The following EPB41 variants were observed in gnomAD, a reference collection of about 807,000 sequenced individuals.
The protein encoded by EPB41 is erythrocyte membrane protein band 4.1.
A neutral mutation model predicts 108.0 loss-of-function variants in EPB41; 65 were observed. The ratio of observed to expected loss-of-function variants is 0.60; its 90% CI spans 0.49 to 0.74. The LOEUF (loss-of-function observed/expected upper bound fraction) is 0.74, where lower values mean the gene tolerates loss of function less well. Ranked by LOEUF, EPB41 falls within the 30% of genes least tolerant of loss-of-function variation. The pLI, the probability that EPB41 is intolerant of heterozygous loss-of-function variation, is 0.00. For synonymous variants in EPB41, 336 were observed against 358.9 expected, an observed-to-expected ratio of 0.94 and a Z score of 0.72; for missense variants, 875 against 1,037.0, an observed-to-expected ratio of 0.84 and a Z score of 2.15.
rs527689475 is a variant in EPB41, at chr1:29,099,788, C to A, written c.2313+1853C>A. 5.9e-5 allele frequency among the ~76,000 whole-genome samples: 9 copies of A among 152,260 alleles called. No homozygotes were observed. The South Asian group carries it at 1.9e-3, about 32-fold the overall frequency. ...GCAACAAATATTTATTGAGTGTTCA[C>A]AATATTAAGCCAAAGCAATGTACAA... On this transcript the variant is annotated intron_variant, in intron 17 of 20. Transcript: ENST00000343067.
intron 11 of EPB41, among the ~76,000 whole-genome samples, chr1:29,052,174 A>G (rs1011743229): frequency 4.6e-5 from 7 of 152,222 alleles, no homozygotes; most frequent in Admixed American, 3.9e-4. Context: ...ATAAGTCTGT[A>G]TAGTTTATTC....
At chr1:29,092,884 C>T (rs1448607824) in intron 16 of EPB41, among the ~76,000 whole-genome samples, 2 of 152,120 alleles carry the variant, frequency 1.3e-5, no homozygotes, top group African/African-American at 2.4e-5. Flanking sequence ...GACATGAGCT[C>T]GTTCTTTTTT....
chr1:28,993,355 A>G lies in EPB41; in HGVS notation c.494A>G (p.Asp165Gly). Residue 165 changes from aspartate to glycine, a missense_variant, in exon 3 of 21, where the codon GAT (aspartate) becomes GGT (glycine). Transcript: ENST00000343067. ...CCTGCTCAGGAAGAACTCAGAGAAG[A>G]TCCAGATTTTGAAATTAAGGAAGGA... ...TQPAQEELRE[D>G]PDFEIKEGEG... 6.2e-7 allele frequency: 1 copy of G among 1,613,164 alleles called. No homozygotes were observed.
chr1:29,088,955 T>C (rs113956185), intron 16 of EPB41, among the ~76,000 whole-genome samples: 67 of 152,208 alleles, frequency 4.4e-4, no homozygotes, highest in African/African-American at 1.5e-3. Context: ...AAAAAATAAA[T>C]ATATACATAA....
intron 16 of EPB41, chr1:29,072,461 CCA>C (rs1651914094): frequency 6.6e-6 from 1 of 152,076 alleles, no homozygotes; most frequent in Non-Finnish European, 1.5e-5. Flanking sequence ...TCCTGAATTT[CCA>C]GTTTTCATCC....
At chr1:28,967,153 G>T (rs2095377612) in intron 1 of EPB41, among the ~76,000 whole-genome samples, 1 of 151,456 alleles carries the variant, frequency 6.6e-6, no homozygotes, top group Non-Finnish European at 1.5e-5. Flanking sequence ...TGAGTAGCTG[G>T]GACTACAGGT....
intron 12 of EPB41, among the ~76,000 whole-genome samples, chr1:29,057,520 G>A (rs1032930092): frequency 1.3e-5 from 2 of 151,876 alleles, no homozygotes; most frequent in Non-Finnish European, 2.9e-5. Flanking sequence ...TTTAGACTCA[G>A]TCTAGGGAAA....
At chr1:29,001,229 CTGAGGCATGAGAATCGCT>C (rs2096287249) in intron 4 of EPB41, among the ~76,000 whole-genome samples, 1 of 152,186 alleles carries the variant, frequency 6.6e-6, no homozygotes, top group African/African-American at 2.4e-5. Flanking sequence ...ATGCGGGAGG[CTGAGGCATGAGAATCGCT>C]TGAACCCAGG....
intron 2 of EPB41, among the ~76,000 whole-genome samples, chr1:28,992,518 C>T (rs540034302): frequency 6.6e-6 from 1 of 152,238 alleles, no homozygotes; most frequent in East Asian, 1.9e-4. Context: ...GAAACCCCAT[C>T]TCTACTAAAA....
intron 1 of EPB41, among the ~76,000 whole-genome samples, chr1:28,946,742 T>C (rs1285578439): frequency 2.0e-5 from 3 of 152,218 alleles, no homozygotes; most frequent in Admixed American, 6.5e-5. Context: ...CTTTGACCAA[T>C]AAAGATAAAA....
intron 15 of EPB41, among the ~76,000 whole-genome samples, chr1:29,062,913 G>T (rs1471423913): frequency 6.6e-6 from 1 of 152,102 alleles, no homozygotes; most frequent in Non-Finnish European, 1.5e-5. Context: ...AGAAGCTACT[G>T]GTTTTACCAA....
intron 14 of EPB41, among the ~76,000 whole-genome samples, chr1:29,059,794 G>C (rs1646192221): frequency 6.6e-6 from 1 of 152,028 alleles, no homozygotes; most frequent in African/African-American, 2.4e-5. Context: ...AACACCCACT[G>C]TAGCAGCAAC....
chr1:28,907,071 T>C (rs1368297001), intron 1 of EPB41, among the ~76,000 whole-genome samples: 16 of 140,454 alleles, frequency 1.1e-4, no homozygotes, highest in African/African-American at 4.0e-4. Context: ...ATGCCTGGCC[T>C]TTTTTTTTTT....
At chr1:29,028,604 G>C (rs1373310850) in intron 7 of EPB41, among the ~76,000 whole-genome samples, 2 of 152,170 alleles carry the variant, frequency 1.3e-5, no homozygotes, top group Non-Finnish European at 2.9e-5. Context: ...CCCAAGTATT[G>C]TGACTTGAGT....
At chr1:29,067,481 G>A (rs1261507616) in intron 16 of EPB41, among the ~76,000 whole-genome samples, 2 of 100,146 alleles carry the variant, frequency 2.0e-5, no homozygotes, top group South Asian at 3.8e-4. Context: ...GGGCGACAGA[G>A]CGAGACTCTG....
intron 1 of EPB41, among the ~76,000 whole-genome samples, chr1:28,925,872 G>A (rs1380649869): frequency 2.0e-5 from 3 of 152,052 alleles, no homozygotes; most frequent in African/African-American, 4.8e-5. Context: ...GGAATGGCAC[G>A]ATCCTTCATT....
chr1:28,985,065 A>T (rs983816153), intron 1 of EPB41, among the ~76,000 whole-genome samples: 2 of 152,044 alleles, frequency 1.3e-5, no homozygotes, highest in African/African-American at 4.8e-5. Context: ...CCCAGTTTCA[A>T]GTGATTCTCC....
chr1:29,061,292 CAG>C (rs796083368), intron 15 of EPB41, among the ~76,000 whole-genome samples: 6 of 152,030 alleles, frequency 3.9e-5, no homozygotes, highest in African/African-American at 1.4e-4. Flanking sequence ...ATTTTTGAGA[CAG>C]AGTCTCGCTC....
At chr1:28,942,606 A>G (rs1488930065) in intron 1 of EPB41, among the ~76,000 whole-genome samples, 1 of 152,248 alleles carries the variant, frequency 6.6e-6, no homozygotes, top group Admixed American at 6.5e-5. Flanking sequence ...ACATGTGTTC[A>G]GCAATCCAGA....
Sources: allele counts gnomAD v4.1 joint callset (sites outside exome capture counted in the v4.1 genomes callset), GRCh38; gene constraint gnomAD v4.1.1; transcripts MANE v1.5; gene names NCBI Gene and HGNC (gene_info 2026-07-23, HGNC 2026-07-21).